The following PDZD8 variants were observed in gnomAD, a reference collection of about 807,000 sequenced individuals.
The protein encoded by PDZD8 is PDZ domain containing 8, also known as PDZ domain-containing protein 8.
Under a neutral mutation model 85.8 loss-of-function variants are expected in PDZD8, and 14 were observed. The observed-to-expected ratio is 0.16, with a 90% CI of 0.11 to 0.26. The LOEUF is 0.26. Ranked by LOEUF, PDZD8 falls within the 10% of genes least tolerant of loss-of-function variation. PDZD8 has a pLI of 1.00. For synonymous variants in PDZD8, 592 were observed against 568.6 expected, an observed-to-expected ratio of 1.04 and a Z score of -0.59; for missense variants, 1,197 against 1,424.3, an observed-to-expected ratio of 0.84 and a Z score of 2.57.
intron 1 of PDZD8, among the ~76,000 whole-genome samples, chr10:117,360,257 C>T (rs986765452): frequency 5.9e-5 from 9 of 152,140 alleles, no homozygotes; most frequent in Non-Finnish European, 1.3e-4. Flanking sequence ...TCAAATGAGA[C>T]GAGTTGCTCA....
intron 1 of PDZD8, among the ~76,000 whole-genome samples, chr10:117,368,851 GTT>G (rs3034161): frequency 0.29 from 29,038 of 99,476 alleles, 3,465 homozygotes; most frequent in East Asian, 0.48. Context: ...TATTGACAAT[GTT>G]TTTTTTTTTT....
rs363305 is a variant in PDZD8, at chr10:117,292,147, T to C, written c.1099-1799A>G. Among the ~76,000 whole-genome samples, 727 of 152,288 alleles carry C rather than the reference T, an allele frequency of 4.8e-3. 2 individuals are homozygous for C. The highest frequency in any genetic ancestry group is 0.016 in the African/African-American group (681 of 41,562). On this transcript the variant is annotated intron_variant, in intron 3 of 4. Transcript: ENST00000334464. ...CCCTCACTGGAAGTTGCTCTTTAAT[T>C]TGGGTGTTAACAAATTTTGTAAAGT...
chr10:117,316,874 A>G (rs1025213198), intron 3 of PDZD8, among the ~76,000 whole-genome samples: 6 of 152,144 alleles, frequency 3.9e-5, no homozygotes, highest in African/African-American at 7.2e-5. Context: ...CTTCTGGCCA[A>G]TGAGATATAA....
intron 1 of PDZD8, among the ~76,000 whole-genome samples, chr10:117,356,536 C>T (rs1844898247): frequency 6.6e-6 from 1 of 152,142 alleles, no homozygotes; most frequent in Non-Finnish European, 1.5e-5. Flanking sequence ...CAGGCCCATG[C>T]TCTTTTAGGA....
intron 2 of PDZD8, among the ~76,000 whole-genome samples, chr10:117,328,474 T>C (rs1017144888): frequency 4.6e-5 from 7 of 152,020 alleles, no homozygotes; most frequent in Admixed American, 2.6e-4. Flanking sequence ...TGAAGCACTG[T>C]GATCATGGCT....
chr10:117,311,815 C>T (rs943963349), intron 3 of PDZD8, among the ~76,000 whole-genome samples: 1 of 151,658 alleles, frequency 6.6e-6, no homozygotes, highest in African/African-American at 2.4e-5. Context: ...TACTATCAAC[C>T]TTTGGCTGGA....
At chr10:117,347,193 G>C (rs1030075759) in intron 1 of PDZD8, among the ~76,000 whole-genome samples, 1 of 151,716 alleles carries the variant, frequency 6.6e-6, no homozygotes, top group Non-Finnish European at 1.5e-5. Flanking sequence ...ATTATACCCC[G>C]CCAGCATTAA....
At chr10:117,343,669 G>A (rs1332033578) in intron 1 of PDZD8, among the ~76,000 whole-genome samples, 1 of 152,164 alleles carries the variant, frequency 6.6e-6, no homozygotes, top group Non-Finnish European at 1.5e-5. Flanking sequence ...TTTCTCACAG[G>A]AGTATGAGTT....
chr10:117,357,623 G>A (rs10886061), intron 1 of PDZD8, among the ~76,000 whole-genome samples: 32,730 of 150,298 alleles, frequency 0.22, 4,004 homozygotes, highest in East Asian at 0.44. Flanking sequence ...AAAATTAGCC[G>A]GGCATGGTGG....
chr10:117,372,292 T>C (rs942069599), intron 1 of PDZD8, among the ~76,000 whole-genome samples: 1 of 152,246 alleles, frequency 6.6e-6, no homozygotes, highest in African/African-American at 2.4e-5. Context: ...TGCCATACTT[T>C]TAAATGGTTG....
At chr10:117,333,049 G>T (rs1412164784) in intron 2 of PDZD8, among the ~76,000 whole-genome samples, 1 of 143,834 alleles carries the variant, frequency 7.0e-6, no homozygotes, top group East Asian at 2.2e-4. Flanking sequence ...AACTTGGTAG[G>T]CATAGGTTGT....
intron 1 of PDZD8, among the ~76,000 whole-genome samples, chr10:117,352,102 A>T (rs1330984646): frequency 6.6e-6 from 1 of 152,208 alleles, no homozygotes; most frequent in East Asian, 1.9e-4. Context: ...GTAACATCTA[A>T]AATATGTCTT....
chr10:117,335,225 G>A (rs898312434), intron 2 of PDZD8, among the ~76,000 whole-genome samples: 1 of 152,178 alleles, frequency 6.6e-6, no homozygotes, highest in Non-Finnish European at 1.5e-5. Flanking sequence ...CCAAAGTGCT[G>A]AAGGAACAGA....
chr10:117,371,766 T>C (rs897097672), intron 1 of PDZD8, among the ~76,000 whole-genome samples: 5 of 152,068 alleles, frequency 3.3e-5, no homozygotes, highest in Non-Finnish European at 7.4e-5. Context: ...AAGCAAGACC[T>C]ATCTCTACAA....
intron 3 of PDZD8, among the ~76,000 whole-genome samples, chr10:117,290,864 C>CTTTTTTT (rs145614241): frequency 4.0e-5 from 5 of 123,562 alleles, no homozygotes; most frequent in Admixed American, 8.4e-5. Context: ...ATGGTGTATC[C>CTTTTTTT]TTTTTTTTTT....
chr10:117,300,306 G>T (rs1178497326), intron 3 of PDZD8, among the ~76,000 whole-genome samples: 1 of 152,110 alleles, frequency 6.6e-6, no homozygotes, highest in South Asian at 2.1e-4. Context: ...AAATAAGCAG[G>T]AGTAGAATTA....
intron 3 of PDZD8, among the ~76,000 whole-genome samples, chr10:117,297,540 C>T (rs1244046159): frequency 3.9e-5 from 6 of 152,076 alleles, no homozygotes; most frequent in African/African-American, 1.4e-4. Context: ...TGGTCCCTGA[C>T]TTATGAGGGT....
chr10:117,348,633 T>C (rs1844748542), intron 1 of PDZD8, among the ~76,000 whole-genome samples: 1 of 152,238 alleles, frequency 6.6e-6, no homozygotes, highest in African/African-American at 2.4e-5. Context: ...CATATTCCTG[T>C]TCTCTCTCCC....
intron 1 of PDZD8, among the ~76,000 whole-genome samples, chr10:117,368,268 C>A (rs545710866): frequency 1.8e-4 from 27 of 152,170 alleles, no homozygotes; most frequent in Non-Finnish European, 3.7e-4. Context: ...AGAGATATGA[C>A]GAGATATAGA....
Sources: gnomAD v4.1 joint callset for allele counts (sites outside exome capture counted in the v4.1 genomes callset) on GRCh38, gnomAD v4.1.1 for gene constraint, MANE v1.5 for transcripts, NCBI Gene and HGNC (gene_info 2026-07-23, HGNC 2026-07-21) for gene names.